The following PACSIN2 variants were observed in gnomAD, a reference collection of about 807,000 sequenced individuals.
PACSIN2 encodes the protein protein kinase C and casein kinase substrate in neurons 2, also known as protein kinase C and casein kinase substrate in neurons protein 2.
Under a neutral mutation model 63.8 loss-of-function variants are expected in PACSIN2, and 25 were observed. The observed-to-expected ratio is 0.39, with a 90% CI of 0.29 to 0.55. The LOEUF (loss-of-function observed/expected upper bound fraction) is 0.55. PACSIN2 is among the 20% of genes least tolerant of loss of function. PACSIN2 has a pLI of 0.62. For missense variants in PACSIN2, 518 were observed against 646.9 expected (o/e 0.80, Z 2.16); for synonymous variants, 255 against 256.2 (o/e 1.00, Z 0.05).
In PACSIN2 at chr22:42,871,330, T is replaced by TG. The variant is rs543065814; in HGVS notation, c.*26_*27insC. On this transcript the variant is annotated 3_prime_UTR_variant, in exon 11 of 11. Coordinates refer to ENST00000263246, the MANE Select transcript of PACSIN2 (RefSeq NM_001184970.3). This position sits in a 1 kb window ranked among gnomAD's most constrained non-coding sequence, Gnocchi z 5.4. ...GAGGCTCCTGGGCCCGCCGCCTCCG[T>TG]CCCCCCGCTGGCCTGTCCCCGACTC... 7.5e-6 allele frequency: 11 copies of TG among 1,466,036 alleles called. No individual in the cohort carries two copies. Among genetic ancestry groups the TG allele is most frequent in the Non-Finnish European group, 1.1e-5 (11 of 1,045,172 alleles). The allele number at this position is 1,466,036 out of a possible 1,614,324, so 90.8% of individuals were successfully genotyped here.
At chr22:42,888,963 T>G (rs1436452927) in intron 4 of PACSIN2, among the ~76,000 whole-genome samples, 165 bp from the exon 5 acceptor site, 1 of 152,148 alleles carries the variant, frequency 6.6e-6, no homozygotes, top group Non-Finnish European at 1.5e-5. Flanking sequence ...AGGAACGCAC[T>G]CAACACATAT....
At chr22:43,006,268 T>C (rs977346665) in intron 1 of PACSIN2, among the ~76,000 whole-genome samples, 6 of 152,188 alleles carry the variant, frequency 3.9e-5, no homozygotes, top group African/African-American at 1.4e-4. Context: ...ATTTCTGTTG[T>C]TTACAAGCCA....
rs528448221 is a variant in PACSIN2, at chr22:42,878,094, C to G, written c.1028+954G>C. 2.6e-5 allele frequency among the ~76,000 whole-genome samples: 4 copies of G among 152,336 alleles called. No individual in the cohort carries two copies. In the South Asian group the frequency reaches 8.3e-4, roughly 32 times the overall value. ...CTCCCTCCTTGGCACCTTTCTCTAG[C>G]AGACTGTTGTGAGACGGCACTGGTG... is the stretch of plus-strand genomic sequence containing the variant. On this transcript the variant is annotated intron_variant, in intron 8 of 10. Transcript: ENST00000263246.
intron 1 of PACSIN2, among the ~76,000 whole-genome samples, chr22:42,992,722 C>T (rs775275123): frequency 2.0e-4 from 30 of 152,226 alleles, no homozygotes; most frequent in Non-Finnish European, 4.3e-4. Flanking sequence ...ACAGCCCAAA[C>T]GTCTGTCAAT....
intron 1 of PACSIN2, among the ~76,000 whole-genome samples, chr22:42,920,711 G>C (rs1932127908): frequency 6.6e-6 from 1 of 152,038 alleles, no homozygotes; most frequent in Non-Finnish European, 1.5e-5. Flanking sequence ...GGCCTTGGCA[G>C]GGTAGGAACG....
intron 2 of PACSIN2, among the ~76,000 whole-genome samples, chr22:42,897,509 C>T (rs1378776057): frequency 6.6e-6 from 1 of 152,212 alleles, no homozygotes; most frequent in Non-Finnish European, 1.5e-5. Context: ...ATATTAATTG[C>T]TTCATTCACA....
intron 1 of PACSIN2, among the ~76,000 whole-genome samples, chr22:42,999,734 C>A (rs1299673170): frequency 6.6e-6 from 1 of 152,220 alleles, no homozygotes; most frequent in Non-Finnish European, 1.5e-5. Flanking sequence ...AGTCCCCTGG[C>A]AGTCACTCCC....
chr22:42,966,087 T>C (rs574673833), intron 1 of PACSIN2, among the ~76,000 whole-genome samples: 5 of 152,336 alleles, frequency 3.3e-5, no homozygotes, highest in East Asian at 1.9e-4. Context: ...TAGAGCCATC[T>C]TGGGCTGGGC....
At chr22:42,879,482 C>G (rs1435840513) in intron 7 of PACSIN2, among the ~76,000 whole-genome samples, 11 of 152,188 alleles carry the variant, frequency 7.2e-5, no homozygotes, top group Admixed American at 7.2e-4. Flanking sequence ...TGGCGAGGAC[C>G]AGGGCAAGGT....
rs1460972101 is a variant in PACSIN2, at chr22:42,893,531, C to T, written c.143G>A (p.Arg48Gln). 4 of 1,614,090 alleles carry T rather than the reference C, an allele frequency of 2.5e-6. No homozygotes were observed. Among genetic ancestry groups the T allele is most frequent in the Non-Finnish European group, 2.5e-6 (3 of 1,180,004 alleles). ...CSDLMNCLHERARIEKAYAQQ... is the reference protein window; with the variant it reads ...CSDLMNCLHEQARIEKAYAQQ... ...CGCATACGCCTTCTCGATGCGCGCC[C>T]GCTCATGCAGGCAGTTCATGAGGTC... The change falls in exon 3 of 11, where the codon CGG (arginine) becomes CAG (glutamine). Residue 48 changes from arginine to glutamine, a missense_variant. Around this residue, in one of 2 missense-constraint regions of PACSIN2, gnomAD observed 507 missense variants for 612.3 expected, o/e 0.83. Coordinates refer to ENST00000263246, the MANE Select transcript of PACSIN2 (RefSeq NM_001184970.3).
At chr22:42,906,339 G>A (rs941557870) in intron 2 of PACSIN2, among the ~76,000 whole-genome samples, 2 of 152,246 alleles carry the variant, frequency 1.3e-5, no homozygotes, top group East Asian at 1.9e-4. Flanking sequence ...TAATCTCAAC[G>A]TCAAAGTCTG....
At chr22:42,917,424 T>C (rs1480733934) in intron 1 of PACSIN2, among the ~76,000 whole-genome samples, 2 of 151,342 alleles carry the variant, frequency 1.3e-5, no homozygotes, top group African/African-American at 4.9e-5. Context: ...CTGGGCAACA[T>C]AGTGAGATCC....
intron 1 of PACSIN2, among the ~76,000 whole-genome samples, chr22:42,945,305 A>C (rs1052323346): frequency 1.3e-4 from 20 of 152,048 alleles, no homozygotes; most frequent in African/African-American, 4.8e-4. Flanking sequence ...TAGTGGCTGC[A>C]GTGTGCCTTC....
Position 42,989,502 on chromosome 22 carries a change from C to CA in PACSIN2, c.-78+25518dup, listed in dbSNP as rs11340150. On this transcript the variant is annotated intron_variant, in intron 1 of 10. Transcript: ENST00000263246. ...AATAAGAGTGAAACTCCATCCCCCT[C>CA]AAAAAAAAAAAAGGCCAGGTGTGGT... Among the ~76,000 whole-genome samples, 776 of 139,448 alleles carry CA rather than the reference C, an allele frequency of 5.6e-3. 5 individuals are homozygous for CA. Among genetic ancestry groups the CA allele is most frequent in the African/African-American group, 0.019 (700 of 37,598 alleles). 91.5% of individuals were successfully genotyped at this position (139,448 alleles called of 152,430 possible). A position where few individuals can be genotyped will look rare whatever the true frequency, so the allele number is the denominator to read the frequency against.
At chr22:42,877,450 G>C (rs1928730398) in intron 8 of PACSIN2, among the ~76,000 whole-genome samples, 1 of 152,158 alleles carries the variant, frequency 6.6e-6, no homozygotes. Context: ...GAGTGGGAGA[G>C]GGCTCTGAGC....
At chr22:42,876,744 G>C in intron 9 of PACSIN2, 144 bp downstream of exon 9, 2 of 996,252 alleles carry the variant, frequency 2.0e-6, no homozygotes, top group Non-Finnish European at 3.1e-6. Context: ...GCAGGTAGTG[G>C]GCCAGGGTGC....
chr22:42,888,594 A>G, intron 5 of PACSIN2, 49 bp downstream of exon 5: 3 of 1,594,344 alleles, frequency 1.9e-6, no homozygotes, highest in Non-Finnish European at 2.6e-6. Flanking sequence ...AGACACGTCA[A>G]CAACTGACAC....
chr22:42,944,636 T>C (rs1460906744), intron 1 of PACSIN2, among the ~76,000 whole-genome samples: 3 of 152,072 alleles, frequency 2.0e-5, no homozygotes, highest in Admixed American at 6.5e-5. Context: ...ACAGCAAAAA[T>C]TGGAAACGAG....
At chr22:42,967,704 T>C (rs995258400) in intron 1 of PACSIN2, among the ~76,000 whole-genome samples, 18 of 151,806 alleles carry the variant, frequency 1.2e-4, no homozygotes, top group Admixed American at 9.2e-4. Context: ...CTGGCTAACA[T>C]GGTGAAACCC....
Sources: gnomAD v4.1 joint callset for allele counts (sites outside exome capture counted in the v4.1 genomes callset) on GRCh38, gnomAD v4.1.1 for gene constraint, gnomAD v4.1.1 regional missense constraint, Gnocchi (gnomAD v3.1) non-coding constraint, MANE v1.5 for transcripts, NCBI Gene and HGNC (gene_info 2026-07-23, HGNC 2026-07-21) for gene names.